AGBL4: variants seen among roughly 807,000 people sequenced by gnomAD.
AGBL4 encodes AGBL carboxypeptidase 4.
AGBL4 carries 58 observed loss-of-function variants against 66.4 expected under a neutral mutation model. That is an observed-to-expected ratio of 0.87 (90% CI 0.71 to 1.09). AGBL4 has a LOEUF of 1.09. Among genes scored for constraint, AGBL4 ranks in the 50% least tolerant of loss-of-function variants. The pLI is 0.00. For missense variants in AGBL4, 579 were observed against 631.0 expected (o/e 0.92, Z 0.88); for synonymous variants, 234 against 222.9 (o/e 1.05, Z -0.44).
At chr1:49,959,522 G>A (rs1387264369) in intron 1 of AGBL4, among the ~76,000 whole-genome samples, 1 of 151,988 alleles carries the variant, frequency 6.6e-6, no homozygotes, top group Non-Finnish European at 1.5e-5. Flanking sequence ...CACAATGCCT[G>A]GAACACAGTG....
intron 1 of AGBL4, among the ~76,000 whole-genome samples, chr1:49,940,688 C>T (rs947634997): frequency 2.6e-5 from 4 of 151,474 alleles, no homozygotes; most frequent in African/African-American, 7.3e-5. Flanking sequence ...ACATCACACT[C>T]TGGGGACTGT....
chr1:49,535,160 A>G (rs988521404), intron 3 of AGBL4, among the ~76,000 whole-genome samples: 2 of 152,184 alleles, frequency 1.3e-5, no homozygotes. Flanking sequence ...AAAATCCACA[A>G]ACTAACCCAA....
At chr1:50,005,444 C>A (rs72686784) in intron 1 of AGBL4, among the ~76,000 whole-genome samples, 2,876 of 152,224 alleles carry the variant, frequency 0.019, 47 homozygotes, top group Non-Finnish European at 0.032. Flanking sequence ...TCAGGTGCCC[C>A]CAAATGCACA....
At chr1:49,663,524 C>A (rs1318804068) in intron 3 of AGBL4, among the ~76,000 whole-genome samples, 3 of 152,054 alleles carry the variant, frequency 2.0e-5, no homozygotes, top group Non-Finnish European at 4.4e-5. Context: ...TGGAGGATAA[C>A]CACCAGCCAA....
At chr1:49,248,391 AT>A (rs1468346937) in intron 3 of AGBL4, among the ~76,000 whole-genome samples, 2 of 152,122 alleles carry the variant, frequency 1.3e-5, no homozygotes, top group African/African-American at 4.8e-5. Context: ...GCATTATCTC[AT>A]TTGTTTTGAG....
intron 3 of AGBL4, among the ~76,000 whole-genome samples, chr1:49,528,859 C>A (rs773969950): frequency 7.9e-5 from 12 of 151,976 alleles, no homozygotes; most frequent in African/African-American, 1.7e-4. Flanking sequence ...ACAAGTAGTT[C>A]TTTACGGTTG....
intron 3 of AGBL4, among the ~76,000 whole-genome samples, chr1:49,416,831 T>C (rs1645435915): frequency 6.6e-6 from 1 of 152,088 alleles, no homozygotes; most frequent in Non-Finnish European, 1.5e-5. Flanking sequence ...ATTTATTATA[T>C]GGGCATGTAA....
chr1:49,843,963 A>C (rs1646069903), intron 2 of AGBL4, among the ~76,000 whole-genome samples: 2 of 152,134 alleles, frequency 1.3e-5, no homozygotes, highest in Non-Finnish European at 2.9e-5. Context: ...TTCATTCATT[A>C]AGCATGTATA....
intron 3 of AGBL4, among the ~76,000 whole-genome samples, chr1:49,327,174 T>G (rs1364616789): frequency 6.6e-6 from 1 of 152,200 alleles, no homozygotes; most frequent in Non-Finnish European, 1.5e-5. Context: ...CTCAGAATCC[T>G]TAATTGCATA....
rs374051082 is a variant in AGBL4 at position 49,727,169 on chromosome 1, G to A, written c.158-29732C>T. On this transcript the variant is annotated intron_variant, in intron 2 of 13. Coordinates refer to ENST00000371839, the MANE Select transcript of AGBL4 (RefSeq NM_032785.4). Reference sequence around the variant, plus strand: ...GTTGAGACTTCTAGCTTAGCAACTAGAATATTAATGACATATTAATGATAA... The same window carrying A: ...GTTGAGACTTCTAGCTTAGCAACTAAAATATTAATGACATATTAATGATAA... 3.3e-4 allele frequency among the ~76,000 whole-genome samples: 50 copies of A among 152,164 alleles called. 1 individual carries two copies. The South Asian group carries it at 9.6e-3, about 29-fold the overall frequency.
intron 3 of AGBL4, among the ~76,000 whole-genome samples, chr1:49,594,749 C>G (rs951692083): frequency 1.3e-5 from 2 of 152,164 alleles, no homozygotes; most frequent in African/African-American, 4.8e-5. Context: ...GCCACATTTT[C>G]TTTATCTAGT....
intron 3 of AGBL4, among the ~76,000 whole-genome samples, chr1:49,393,661 C>T (rs1401552054): frequency 2.6e-5 from 4 of 152,112 alleles, no homozygotes; most frequent in Non-Finnish European, 4.4e-5. Flanking sequence ...GGGAAAAAAG[C>T]AAGTTCACAG....
At chr1:49,747,944 T>TTGTGTGTGTGTG (rs4012953) in intron 2 of AGBL4, among the ~76,000 whole-genome samples, 3 of 147,468 alleles carry the variant, frequency 2.0e-5, no homozygotes, top group Non-Finnish European at 4.5e-5. Flanking sequence ...GTGTGTGTGT[T>TTGTGTGTGTGTG]TGTGTGTGTG....
chr1:50,007,252 A>G (rs1661200174), intron 1 of AGBL4, among the ~76,000 whole-genome samples: 1 of 152,184 alleles, frequency 6.6e-6, no homozygotes, highest in South Asian at 2.1e-4. Context: ...TCAGAAATTA[A>G]AATATACCTC....
intron 1 of AGBL4, among the ~76,000 whole-genome samples, chr1:49,872,893 A>C (rs1280248766): frequency 6.6e-6 from 1 of 151,928 alleles, no homozygotes; most frequent in African/African-American, 2.4e-5. Flanking sequence ...AATGTTTTTC[A>C]ATTTTTATTA....
intron 9 of AGBL4, among the ~76,000 whole-genome samples, chr1:48,611,603 C>T (rs1238828289): frequency 3.3e-5 from 5 of 152,206 alleles, no homozygotes; most frequent in African/African-American, 7.2e-5. Flanking sequence ...ATGAGAATGT[C>T]GGGCATCTCA....
At chr1:48,882,308 C>A (rs1314012754) in intron 5 of AGBL4, among the ~76,000 whole-genome samples, 1 of 152,190 alleles carries the variant, frequency 6.6e-6, no homozygotes, top group Admixed American at 6.5e-5. Flanking sequence ...CCTCAATATA[C>A]AGTGCTTTCC....
At chr1:49,646,670 T>C (rs1645895315) in intron 3 of AGBL4, among the ~76,000 whole-genome samples, 1 of 151,978 alleles carries the variant, frequency 6.6e-6, no homozygotes, top group Non-Finnish European at 1.5e-5. Context: ...TATAGAAATA[T>C]ATGAGCTGAT....
chr1:49,812,582 C>T (rs979706025), intron 2 of AGBL4, among the ~76,000 whole-genome samples: 2 of 152,152 alleles, frequency 1.3e-5, no homozygotes, highest in African/African-American at 4.8e-5. Context: ...GGTTTCTCCA[C>T]ATAATCTATG....
Sources: gnomAD v4.1 joint callset for allele counts (sites outside exome capture counted in the v4.1 genomes callset) on GRCh38, gnomAD v4.1.1 for gene constraint, MANE v1.5 for transcripts, NCBI Gene and HGNC (gene_info 2026-07-23, HGNC 2026-07-21) for gene names.